The following NEK10 variants were observed in gnomAD, a reference collection of about 807,000 sequenced individuals.
NEK10 encodes NIMA related kinase 10, also known as serine/threonine-protein kinase Nek10.
NEK10 carries 122 observed loss-of-function variants against 159.8 expected under a neutral mutation model. The observed-to-expected ratio is 0.76, with a 90% CI of 0.66 to 0.89. NEK10 has a LOEUF of 0.89. NEK10 is among the 40% of genes least tolerant of loss of function. NEK10 has a pLI of 0.00. For missense variants in NEK10, 1,342 were observed against 1,323.1 expected (o/e 1.01, Z -0.22); for synonymous variants, 466 against 457.1 (o/e 1.02, Z -0.25).
chr3:27,122,270 G>A (rs1485772632), intron 32 of NEK10, among the ~76,000 whole-genome samples: 2 of 152,038 alleles, frequency 1.3e-5, no homozygotes, highest in African/African-American at 4.8e-5. Context: ...AAGTGAAGAA[G>A]TGCCTTCCAC....
At chr3:27,275,005 C>G (rs181607047) in intron 22 of NEK10, among the ~76,000 whole-genome samples, 1 of 152,300 alleles carries the variant, frequency 6.6e-6, no homozygotes, top group East Asian at 1.9e-4. Context: ...AAAATGAACT[C>G]TACTGTATTA....
At chr3:27,225,966 GA>G (rs1952596483) in intron 23 of NEK10, among the ~76,000 whole-genome samples, 1 of 152,176 alleles carries the variant, frequency 6.6e-6, no homozygotes, top group African/African-American at 2.4e-5. Context: ...TGACCAGCCA[GA>G]AAATATGACA....
intron 22 of NEK10, among the ~76,000 whole-genome samples, chr3:27,257,461 T>G (rs1048521605): frequency 1.3e-5 from 2 of 152,214 alleles, no homozygotes; most frequent in Admixed American, 6.5e-5. Context: ...AATGCAGTAT[T>G]TGATTATATA....
intron 27 of NEK10, 45 bp downstream of exon 27, chr3:27,174,605 C>T: frequency 1.9e-6 from 3 of 1,596,254 alleles, no homozygotes; most frequent in Non-Finnish European, 8.5e-7. Flanking sequence ...TGTTGACACA[C>T]TGCCACTAGC....
At chr3:27,164,818 A>T (rs149212006) in intron 29 of NEK10, among the ~76,000 whole-genome samples, 245 of 152,378 alleles carry the variant, frequency 1.6e-3, no homozygotes, top group African/African-American at 5.7e-3. Context: ...CCATCAGGTT[A>T]TACATGTTCT....
At chr3:27,238,283 T>C (rs1234839176) in intron 23 of NEK10, among the ~76,000 whole-genome samples, 1 of 152,174 alleles carries the variant, frequency 6.6e-6, no homozygotes, top group Non-Finnish European at 1.5e-5. Context: ...CTCATTAATA[T>C]CAGTATTTGT....
intron 3 of NEK10, among the ~76,000 whole-genome samples, chr3:27,351,681 G>A (rs2149819182): frequency 6.6e-6 from 1 of 152,078 alleles, no homozygotes; most frequent in Non-Finnish European, 1.5e-5. Flanking sequence ...TGTCAGGGCT[G>A]GATTACCAAA....
chr3:27,293,583 C>T lies in NEK10; in HGVS notation c.1373+5G>A. 1 of 1,474,624 alleles carries T rather than the reference C, an allele frequency of 6.8e-7. No individual in the cohort carries two copies. Among genetic ancestry groups the T allele is most frequent in the South Asian group, 1.2e-5 (1 of 85,704 alleles). 91.3% of individuals were successfully genotyped at this position (1,474,624 alleles called of 1,614,324 possible). Reference sequence around the variant, plus strand: ...ATGATCACTTATATTTCTCTAACCTCATACCTTTTAAAGAGTGGTCTGTTT... The same window carrying T: ...ATGATCACTTATATTTCTCTAACCTTATACCTTTTAAAGAGTGGTCTGTTT... On this transcript the variant is annotated splice_donor_5th_base_variant and intron_variant, in intron 16 of 35. Transcript: ENST00000691995.
At chr3:27,209,641 A>G (rs924440595) in intron 23 of NEK10, among the ~76,000 whole-genome samples, 1 of 152,242 alleles carries the variant, frequency 6.6e-6, no homozygotes, top group Non-Finnish European at 1.5e-5. Flanking sequence ...AATAATAAAC[A>G]AACTGGAGTA....
chr3:27,295,759 TAAAC>T (rs1303109728), intron 14 of NEK10, 69 bp from the exon 15 acceptor site: 9 of 1,457,230 alleles, frequency 6.2e-6, no homozygotes, highest in South Asian at 2.9e-5. Context: ...AAGAGGCAAA[TAAAC>T]AATCTCAAAC....
At chr3:27,327,784 C>A (rs1053627288) in intron 5 of NEK10, among the ~76,000 whole-genome samples, 5 of 152,080 alleles carry the variant, frequency 3.3e-5, no homozygotes, top group African/African-American at 1.2e-4. Flanking sequence ...TCATTAACCA[C>A]AAGACAAACC....
chr3:27,314,277 C>T lies in NEK10; in HGVS notation c.489+20G>A. Reference sequence around the variant, plus strand: ...CACAAAATGAAAAGGCAAGACCAGCCACCACAAAAGGAATCTTACCTGAGC... The same window carrying T: ...CACAAAATGAAAAGGCAAGACCAGCTACCACAAAAGGAATCTTACCTGAGC... On this transcript the variant is annotated intron_variant, in intron 7 of 35. Coordinates refer to ENST00000691995, the MANE Select transcript of NEK10 (RefSeq NM_001394966.1). 6.3e-7 allele frequency: 1 copy of T among 1,580,202 alleles called. No individual in the cohort carries two copies. Among genetic ancestry groups the T allele is most frequent in the Non-Finnish European group, 8.7e-7 (1 of 1,155,054 alleles).
At position 27,111,330 on chromosome 3, in the gene NEK10, T is replaced by G; in HGVS notation, c.3300-10A>C. 6 of 1,573,870 alleles carry G rather than the reference T, an allele frequency of 3.8e-6. No individual in the cohort carries two copies. The highest frequency in any genetic ancestry group is 3.5e-6 in the Non-Finnish European group (4 of 1,158,686). ...TGGATAGGAATGATACCTATAAGAT[T>G]CAGAAGTGGAAAGAATTCTCTATAG... On this transcript the variant is annotated splice_polypyrimidine_tract_variant and intron_variant, in intron 35 of 35. Coordinates refer to ENST00000691995, the MANE Select transcript of NEK10 (RefSeq NM_001394966.1).
intron 35 of NEK10, among the ~76,000 whole-genome samples, chr3:27,113,448 A>AG (rs1939901492): frequency 6.6e-6 from 1 of 151,376 alleles, no homozygotes; most frequent in South Asian, 2.1e-4. Flanking sequence ...AAAAAAAAAA[A>AG]AAAAAAAAAA....
At chr3:27,243,773 T>G (rs1364800866) in intron 23 of NEK10, among the ~76,000 whole-genome samples, 2 of 152,042 alleles carry the variant, frequency 1.3e-5, no homozygotes, top group Non-Finnish European at 2.9e-5. Context: ...GGAGACTCAT[T>G]ACAAGCATCA....
chr3:27,216,694 C>T (rs962528559), intron 23 of NEK10, among the ~76,000 whole-genome samples: 8 of 152,184 alleles, frequency 5.3e-5, no homozygotes, highest in African/African-American at 1.9e-4. Flanking sequence ...AGCTCCCAGC[C>T]AAAAGCCAGT....
At chr3:27,192,441 G>T (rs1047564702) in intron 25 of NEK10, among the ~76,000 whole-genome samples, 199 bp from the exon 26 acceptor site, 1 of 152,164 alleles carries the variant, frequency 6.6e-6, no homozygotes, top group African/African-American at 2.4e-5. Flanking sequence ...GAAGGAAAAG[G>T]AGTCAGCGTT....
intron 22 of NEK10, among the ~76,000 whole-genome samples, chr3:27,257,683 A>G (rs1956345644): frequency 6.6e-6 from 1 of 152,104 alleles, no homozygotes; most frequent in Admixed American, 6.6e-5. Context: ...AAAAGACAGG[A>G]CTCAGGAACT....
chr3:27,160,666 G>T lies in NEK10; in HGVS notation c.2869+2035C>A, dbSNP rs150349513. 1.7e-3 allele frequency among the ~76,000 whole-genome samples: 263 copies of T among 152,288 alleles called. 2 individuals carry two copies. Among genetic ancestry groups the T allele is most frequent in the South Asian group, 1.0e-2 (48 of 4,818 alleles). On this transcript the variant is annotated intron_variant, in intron 30 of 35. Coordinates refer to ENST00000691995, the MANE Select transcript of NEK10 (RefSeq NM_001394966.1). Reference sequence around the variant, plus strand: ...CACATCTGTAATCCCAGCAATTTGGGAGGCCGAGGTGGGCAGATCACTTGA... The same window carrying T: ...CACATCTGTAATCCCAGCAATTTGGTAGGCCGAGGTGGGCAGATCACTTGA...
Sources: allele counts gnomAD v4.1 joint callset (sites outside exome capture counted in the v4.1 genomes callset), GRCh38; gene constraint gnomAD v4.1.1; transcripts MANE v1.5; gene names NCBI Gene and HGNC (gene_info 2026-07-23, HGNC 2026-07-21).